The following DPYSL2 variants were observed in gnomAD, a reference collection of about 807,000 sequenced individuals.
DPYSL2 encodes the protein dihydropyrimidinase-related protein 2.
In DPYSL2, 13 loss-of-function variants were observed where a neutral mutation model predicts 69.9. The ratio of observed to expected loss-of-function variants is 0.19; its 90% CI spans 0.12 to 0.30. DPYSL2 has a LOEUF of 0.30. Ranked by LOEUF, DPYSL2 falls within the 10% of genes least tolerant of loss-of-function variation. The pLI is 1.00. For synonymous variants in DPYSL2, 326 were observed against 359.1 expected, an observed-to-expected ratio of 0.91 and a Z score of 1.04; for missense variants, 587 against 918.9, an observed-to-expected ratio of 0.64 and a Z score of 4.67.
At chr8:26,612,620 G>A (rs1046865199) in intron 3 of DPYSL2, among the ~76,000 whole-genome samples, 27 of 152,266 alleles carry the variant, frequency 1.8e-4, no homozygotes, top group African/African-American at 6.5e-4. Context: ...GGGAGGCCGA[G>A]GCGGGTGGAT....
intron 1 of DPYSL2, among the ~76,000 whole-genome samples, chr8:26,557,086 T>C (rs1437698402): frequency 7.9e-5 from 12 of 152,100 alleles, no homozygotes; most frequent in Admixed American, 7.9e-4. Flanking sequence ...GAATACATCA[T>C]AGACCTAAAT....
Position 26,634,812 on chromosome 8 carries a change from C to G in DPYSL2, c.1038C>G (p.Thr346=). Residue 346 remains threonine (T), a synonymous_variant, in exon 8 of 14, where the codon ACC becomes ACG. Transcript: ENST00000521913. ...CCGAAGCCGTGAATCGTGCCATCAC[C>G]ATCGCCAACCAGACCAACTGCCCGC... ...VEAEAVNRAI[T]IANQTNCPLY... 1 of 1,614,240 alleles carries G rather than the reference C, an allele frequency of 6.2e-7. No homozygotes were observed. Among genetic ancestry groups the G allele is most frequent in the Non-Finnish European group, 8.5e-7 (1 of 1,180,052 alleles).
At chr8:26,576,727 C>T (rs538232718) in intron 1 of DPYSL2, among the ~76,000 whole-genome samples, 2 of 152,240 alleles carry the variant, frequency 1.3e-5, no homozygotes, top group Non-Finnish European at 2.9e-5. Context: ...AGGTTTTCCC[C>T]AAGACTCAGT....
intron 3 of DPYSL2, among the ~76,000 whole-genome samples, chr8:26,594,898 T>C (rs543932447): frequency 2.4e-4 from 37 of 152,276 alleles, no homozygotes; most frequent in African/African-American, 7.9e-4. Flanking sequence ...AGCTTTCTTA[T>C]TGGCTGGGCA....
chr8:26,658,042 A>C lies in DPYSL2; in HGVS notation c.*2336A>C, dbSNP rs977924090. ...TGATAAAGTGTGTAGCCAGAAGAGT[A>C]CTTTTTTTTTTGTAACCACTGTCTT... On this transcript the variant is annotated 3_prime_UTR_variant, in exon 14 of 14. Coordinates refer to ENST00000521913, the MANE Select transcript of DPYSL2 (RefSeq NM_001197293.3). This position sits in a 1 kb window ranked among gnomAD's most constrained non-coding sequence, Gnocchi z 4.7. 3 of 152,524 alleles carry C rather than the reference A, an allele frequency of 2.0e-5. No individual in the cohort carries two copies. The highest frequency in any genetic ancestry group is 7.2e-5 in the African/African-American group (3 of 41,410). 9.4% of individuals were successfully genotyped at this position (152,524 alleles called of 1,614,324 possible).
rs553920463 is a variant in DPYSL2, at chr8:26,553,378, C to G, written c.355-28591C>G. Among the ~76,000 whole-genome samples, 17 of 152,222 alleles carry G rather than the reference C, an allele frequency of 1.1e-4. No homozygotes were observed. In the East Asian group the frequency reaches 3.3e-3, roughly 29 times the overall value. The stretch of plus-strand genomic sequence containing the variant: ...TTTTTTCTGATCCTCTCCCTCCTCC[C>G]ACCCTCCATCCTTAAGTAGGCCACA... On this transcript the variant is annotated intron_variant, in intron 1 of 13. Coordinates refer to ENST00000521913, the MANE Select transcript of DPYSL2 (RefSeq NM_001197293.3).
At position 26,621,429 on chromosome 8, in the gene DPYSL2, G is replaced by A. The variant is rs548058367; in HGVS notation, c.629-2714G>A. Among the ~76,000 whole-genome samples, 11 of 152,270 alleles carry A rather than the reference G, an allele frequency of 7.2e-5. No individual in the cohort carries two copies. Among genetic ancestry groups the A allele is most frequent in the East Asian group, 1.9e-4 (1 of 5,172 alleles). ...TCTTTGCCGCAGCAAAAGCTGGTCC[G>A]GTTCCCAGGAGAGCCCCTCCTTTGC... On this transcript the variant is annotated intron_variant, in intron 3 of 13. Coordinates refer to ENST00000521913, the MANE Select transcript of DPYSL2 (RefSeq NM_001197293.3). The surrounding 1 kb of genome is among the most constrained non-coding windows in gnomAD (Gnocchi z 4.9).
rs1383384242 is a variant in DPYSL2 at position 26,621,344 on chromosome 8, C to T, written c.629-2799C>T. On this transcript the variant is annotated intron_variant, in intron 3 of 13. Transcript: ENST00000521913. The surrounding 1 kb of genome is among the most constrained non-coding windows in gnomAD (Gnocchi z 4.9). ...ATTTCTGCTCATTCCCTTTGCTGGC[C>T]AGTGAAAGGAATGCATTTCCATAAG... Among the ~76,000 whole-genome samples the T allele has an allele frequency of 6.6e-6, 1 of 152,094 alleles. No homozygotes were observed. Among genetic ancestry groups the T allele is most frequent in the Non-Finnish European group, 1.5e-5 (1 of 68,028 alleles).
chr8:26,647,905 G>A lies in DPYSL2; in HGVS notation c.1596+105G>A, dbSNP rs1803206095. ...TTCTAAAAAGAACTTGCTGTGATGG[G>A]AATGCGCTCGACTGAGGATGTTATG... On this transcript the variant is annotated intron_variant, in intron 11 of 13. Coordinates refer to ENST00000521913, the MANE Select transcript of DPYSL2 (RefSeq NM_001197293.3). The surrounding 1 kb of genome is among the most constrained non-coding windows in gnomAD (Gnocchi z 5.1). 6 of 1,341,992 alleles carry A rather than the reference G, an allele frequency of 4.5e-6. No homozygotes were observed. The highest frequency in any genetic ancestry group is 1.5e-5 in the South Asian group (1 of 68,406). The allele number at this position is 1,341,992 out of a possible 1,614,324, so 83.1% of individuals were successfully genotyped here.
At chr8:26,595,303 T>G (rs1373613343) in intron 3 of DPYSL2, among the ~76,000 whole-genome samples, 1 of 152,066 alleles carries the variant, frequency 6.6e-6, no homozygotes, top group Non-Finnish European at 1.5e-5. Flanking sequence ...ATTTTACTTT[T>G]CGCTATTTTT....
intron 1 of DPYSL2, chr8:26,576,989 G>A (rs1205320650): frequency 9.8e-6 from 3 of 307,140 alleles, no homozygotes; most frequent in African/African-American, 2.3e-5. Context: ...CGCAGATCGC[G>A]CCACATCGGC....
chr8:26,607,417 A>G (rs1373043249), intron 3 of DPYSL2, among the ~76,000 whole-genome samples: 9 of 150,496 alleles, frequency 6.0e-5, no homozygotes, highest in Non-Finnish European at 8.8e-5. Context: ...TGAGAGGTGG[A>G]GGTTACAGTG....
At chr8:26,539,696 C>G (rs1386525712) in intron 1 of DPYSL2, among the ~76,000 whole-genome samples, 1 of 152,132 alleles carries the variant, frequency 6.6e-6, no homozygotes. Flanking sequence ...TGCACCACCA[C>G]GTCCGGCTAA....
At position 26,621,233 on chromosome 8, in the gene DPYSL2, G is replaced by A. The variant is rs1802475274; in HGVS notation, c.629-2910G>A. 6.6e-6 allele frequency among the ~76,000 whole-genome samples: 1 copy of A among 152,180 alleles called. No individual in the cohort carries two copies. The highest frequency in any genetic ancestry group is 2.4e-5 in the African/African-American group (1 of 41,440). Reference sequence around the variant, plus strand: ...ATAGGTTGATTTTGGGGTGGTGGTGGTAATGGGATTATTAACTTTCCCTAA... The same window carrying A: ...ATAGGTTGATTTTGGGGTGGTGGTGATAATGGGATTATTAACTTTCCCTAA... On this transcript the variant is annotated intron_variant, in intron 3 of 13. Transcript: ENST00000521913. This position sits in a 1 kb window ranked among gnomAD's most constrained non-coding sequence, Gnocchi z 4.9.
intron 1 of DPYSL2, chr8:26,577,136 TGGAA>T (rs748942544): frequency 2.2e-6 from 1 of 445,396 alleles, no homozygotes; most frequent in South Asian, 1.6e-5. Flanking sequence ...GGCTCGGAGT[TGGAA>T]GGGTTTCCTC....
At chr8:26,520,046 T>C (rs1295986152) in intron 1 of DPYSL2, among the ~76,000 whole-genome samples, 2 of 152,342 alleles carry the variant, frequency 1.3e-5, no homozygotes, top group East Asian at 1.9e-4. Flanking sequence ...AGGGAGATAA[T>C]TGAATTGTTG....
chr8:26,600,419 T>TGGGA (rs1288200646), intron 3 of DPYSL2, among the ~76,000 whole-genome samples: 1 of 152,210 alleles, frequency 6.6e-6, no homozygotes, highest in African/African-American at 2.4e-5. Context: ...ACCAGCAGTG[T>TGGGA]GGGAGGGCCC....
In DPYSL2 at chr8:26,598,376, C is replaced by T. The variant is rs1801914760; in HGVS notation, c.628+14393C>T. 6.6e-6 allele frequency among the ~76,000 whole-genome samples: 1 copy of T among 152,178 alleles called. No individual in the cohort carries two copies. Among genetic ancestry groups the T allele is most frequent in the Admixed American group, 6.5e-5 (1 of 15,270 alleles). Reference sequence around the variant, plus strand: ...TGGATGTTTTAGAGCTCCTCCTCTCCATCTCCTGAATTTCTTTTCTTGCTA... The same window carrying T: ...TGGATGTTTTAGAGCTCCTCCTCTCTATCTCCTGAATTTCTTTTCTTGCTA... On this transcript the variant is annotated intron_variant, in intron 3 of 13. Coordinates refer to ENST00000521913, the MANE Select transcript of DPYSL2 (RefSeq NM_001197293.3). This position sits in a 1 kb window ranked among gnomAD's most constrained non-coding sequence, Gnocchi z 4.2.
rs1802627419 is a variant in DPYSL2, at chr8:26,626,781, C to T, written c.855+103C>T. The T allele has an allele frequency of 3.3e-6, 4 of 1,226,848 alleles. No homozygotes were observed. The highest frequency in any genetic ancestry group is 3.8e-5 in the Admixed American group (2 of 53,106). 76.0% of individuals were successfully genotyped at this position (1,226,848 alleles called of 1,614,324 possible). ...CCGATGTATGCATGTTTCCTAGCTT[C>T]CTGGGAAGTGGCTGGTGGATGCAGT... On this transcript the variant is annotated intron_variant, in intron 5 of 13. Transcript: ENST00000521913. This position sits in a 1 kb window ranked among gnomAD's most constrained non-coding sequence, Gnocchi z 4.3.
Sources: allele counts gnomAD v4.1 joint callset (sites outside exome capture counted in the v4.1 genomes callset), GRCh38; gene constraint gnomAD v4.1.1; non-coding constraint Gnocchi (gnomAD v3.1); transcripts MANE v1.5; gene names NCBI Gene and HGNC (gene_info 2026-07-23, HGNC 2026-07-21).